RAVER2: variants seen among roughly 807,000 people sequenced by gnomAD.
RAVER2 encodes the protein ribonucleoprotein PTB-binding 2.
A neutral mutation model predicts 78.1 loss-of-function variants in RAVER2; 46 were observed. The ratio of observed to expected loss-of-function variants is 0.59; its 90% confidence interval spans 0.46 to 0.75. The LOEUF (loss-of-function observed/expected upper bound fraction) is 0.75. RAVER2 is among the 30% of genes least tolerant of loss of function. The pLI is 0.00. For missense variants in RAVER2, 793 were observed against 837.5 expected (o/e 0.95, Z 0.66); for synonymous variants, 311 against 313.3 (o/e 0.99, Z 0.08).
At chr1:64,815,534 TG>T (rs1257179731) in intron 11 of RAVER2, 1 of 152,214 alleles carries the variant, frequency 6.6e-6, no homozygotes, top group Non-Finnish European at 1.5e-5. Context: ...TGTGTGATTA[TG>T]GAATCATAAG....
At chr1:64,808,135 C>T (rs1653497178) in intron 9 of RAVER2, among the ~76,000 whole-genome samples, 1 of 152,144 alleles carries the variant, frequency 6.6e-6, no homozygotes, top group Non-Finnish European at 1.5e-5. Flanking sequence ...CTAATCTGGT[C>T]TCTCTTTTAA....
chr1:64,812,842 C>T lies in RAVER2; in HGVS notation c.1785C>T (p.Cys595=), dbSNP rs1453604690. ...TGGCAAGTGTGTTGCCCAGTGTGTG[C>T]TTATCATGTAAGTAGGGGCTCAGTA... Residue 595 remains cysteine, a synonymous_variant, in exon 10 of 12, where the codon TGC becomes TGT. Coordinates refer to ENST00000294428, the Ensembl canonical transcript of RAVER2. 3 of 1,595,958 alleles carry T rather than the reference C, an allele frequency of 1.9e-6. No homozygotes were observed. In the African/African-American group the frequency reaches 4.1e-5, roughly 22 times the overall value.
chr1:64,828,240 TC>T (rs1212284688), intron 11 of RAVER2, among the ~76,000 whole-genome samples: 1 of 141,688 alleles, frequency 7.1e-6, no homozygotes, highest in Non-Finnish European at 1.5e-5. Context: ...AAAGTGACAG[TC>T]CCCTTTTAGA....
At chr1:64,777,697 A>G in exon 3 of RAVER2, 1 of 1,614,044 alleles carries the variant, frequency 6.2e-7, no homozygotes, top group Non-Finnish European at 8.5e-7. Flanking sequence ...TTTTAGAGGA[A>G]AAGACTTAAT....
intron 4 of RAVER2, 150 bp from the exon 5 acceptor site, chr1:64,789,238 A>C (rs1652868686): frequency 1.8e-6 from 1 of 570,772 alleles, no homozygotes; most frequent in African/African-American, 1.9e-5. Flanking sequence ...TGCAGTAGAG[A>C]GTATAAAATA....
intron 5 of RAVER2, among the ~76,000 whole-genome samples, chr1:64,800,400 C>G (rs1653228617): frequency 6.6e-6 from 1 of 152,026 alleles, no homozygotes; most frequent in African/African-American, 2.4e-5. Context: ...ATGTTTTCTT[C>G]CAGTAGTTGT....
At chr1:64,800,959 T>C (rs1408418612) in intron 5 of RAVER2, among the ~76,000 whole-genome samples, 4 of 152,008 alleles carry the variant, frequency 2.6e-5, no homozygotes, top group African/African-American at 9.7e-5. Flanking sequence ...ACAATGAGGA[T>C]TTATTTCATT....
chr1:64,821,466 C>T (rs1384772812), intron 11 of RAVER2, among the ~76,000 whole-genome samples: 1 of 151,994 alleles, frequency 6.6e-6, no homozygotes, highest in Non-Finnish European at 1.5e-5. Flanking sequence ...AATCTTTGCC[C>T]GTTCCTATGT....
At chr1:64,826,915 A>G (rs1270240404) in intron 11 of RAVER2, among the ~76,000 whole-genome samples, 1 of 152,152 alleles carries the variant, frequency 6.6e-6, no homozygotes, top group Non-Finnish European at 1.5e-5. Flanking sequence ...TTGGCCTAGA[A>G]AAATGAATTT....
At chr1:64,751,707 T>C (rs1651703099) in intron 1 of RAVER2, among the ~76,000 whole-genome samples, 1 of 152,196 alleles carries the variant, frequency 6.6e-6, no homozygotes, top group Admixed American at 6.5e-5. Context: ...CCTCAGATCC[T>C]GTGCTACCAA....
intron 8 of RAVER2, among the ~76,000 whole-genome samples, chr1:64,805,744 T>TA (rs1009326698): frequency 2.0e-5 from 3 of 151,898 alleles, no homozygotes; most frequent in Admixed American, 6.6e-5. Context: ...ACCAATAATT[T>TA]AAAAAAAAGT....
intron 1 of RAVER2, among the ~76,000 whole-genome samples, chr1:64,757,386 G>A (rs1651884101): frequency 6.6e-6 from 1 of 152,162 alleles, no homozygotes; most frequent in Non-Finnish European, 1.5e-5. Context: ...TCATAAGGGT[G>A]GGTTCCTGAT....
chr1:64,797,904 G>A (rs1368949626), intron 5 of RAVER2, among the ~76,000 whole-genome samples: 7 of 150,528 alleles, frequency 4.7e-5, no homozygotes, highest in African/African-American at 1.7e-4. Flanking sequence ...TGACTTTAAA[G>A]TAATGTAGTT....
intron 8 of RAVER2, 76 bp from the exon 9 acceptor site, chr1:64,807,126 ATAAC>A: frequency 6.8e-7 from 1 of 1,471,188 alleles, no homozygotes; most frequent in South Asian, 1.4e-5. Context: ...CATTTTGCTC[ATAAC>A]TTAACAAAAT....
At chr1:64,757,271 T>C (rs976527369) in intron 1 of RAVER2, among the ~76,000 whole-genome samples, 1 of 152,200 alleles carries the variant, frequency 6.6e-6, no homozygotes, top group Admixed American at 6.5e-5. Context: ...TATTTTAGAC[T>C]GAATGTTTGT....
chr1:64,753,508 G>A (rs940484468), intron 1 of RAVER2, among the ~76,000 whole-genome samples: 4 of 149,766 alleles, frequency 2.7e-5, no homozygotes, highest in Admixed American at 2.0e-4. Context: ...CTACCCTCTG[G>A]CAATGTATAG....
intron 4 of RAVER2, among the ~76,000 whole-genome samples, chr1:64,785,863 A>T (rs1652766446): frequency 6.6e-6 from 1 of 152,030 alleles, no homozygotes; most frequent in Non-Finnish European, 1.5e-5. Flanking sequence ...TAAAATTATG[A>T]TATTGTGTAC....
chr1:64,761,322 G>A (rs148134885), intron 1 of RAVER2, among the ~76,000 whole-genome samples: 10 of 152,254 alleles, frequency 6.6e-5, no homozygotes, highest in Non-Finnish European at 1.2e-4. Context: ...ATAGGACTGC[G>A]TTGGGCCCCC....
At chr1:64,831,117 T>A in exon 12 of RAVER2, 1 of 941,664 alleles carries the variant, frequency 1.1e-6, no homozygotes, top group Non-Finnish European at 1.5e-6. Flanking sequence ...AACTGTGTTG[T>A]GCAGCAGGCA....
Sources: gnomAD v4.1 joint callset for allele counts (sites outside exome capture counted in the v4.1 genomes callset) on GRCh38, gnomAD v4.1.1 for gene constraint, MANE v1.5 for transcripts, NCBI Gene and HGNC (gene_info 2026-07-23, HGNC 2026-07-21) for gene names.